Variants in NPHP1 observed in about 807,000 individuals in gnomAD.
NPHP1 encodes nephrocystin-1.
NPHP1 carries 70 observed loss-of-function variants against 90.4 expected under a neutral mutation model. The observed-to-expected ratio is 0.77, with a 90% confidence interval of 0.64 to 0.95. The LOEUF is 0.95. NPHP1 is among the 40% of genes least tolerant of loss of function. The probability of loss-of-function intolerance (pLI) is 0.00; values close to 1 mark genes in which losing one functional copy is unlikely to be tolerated. For synonymous variants in NPHP1, 256 were observed against 271.7 expected (o/e 0.94, Z 0.57); for missense variants, 764 against 795.9 (o/e 0.96, Z 0.48).
chr2:110,165,079 G>A lies in NPHP1; in HGVS notation c.701C>T (p.Thr234Ile). The stretch of plus-strand genomic sequence containing the variant: ...TTGCTTAACTTCTGCTCCATCTGCT[G>A]TTTCATCCACCGCCTCTACATCTTC... ...SEEDVEAVDE[T>I]ADGAEVKQRT... The change falls in exon 7 of 20, where the codon ACA becomes ATA. Residue 234 changes from threonine to isoleucine, a missense_variant. By Grantham distance (89) the Thr-to-Ile change is moderately conservative. Transcript: ENST00000445609. The A allele has an allele frequency of 6.2e-7, 1 of 1,613,554 alleles. No homozygotes were observed. Among genetic ancestry groups the A allele is most frequent in the Non-Finnish European group, 8.5e-7 (1 of 1,179,646 alleles).
chr2:110,136,867 TC>T (rs1680238855), intron 16 of NPHP1, among the ~76,000 whole-genome samples: 1 of 152,050 alleles, frequency 6.6e-6, no homozygotes, highest in Admixed American at 6.6e-5. Context: ...CATTGCCAAG[TC>T]AATCCTAAGC....
intron 4 of NPHP1, among the ~76,000 whole-genome samples, chr2:110,172,655 G>A (rs1023319641): frequency 2.6e-5 from 4 of 151,938 alleles, no homozygotes; most frequent in African/African-American, 7.2e-5. Context: ...AGTGGCACAC[G>A]CCTGTAGTCT....
intron 8 of NPHP1, chr2:110,163,640 G>T (rs531311289): frequency 6.3e-6 from 1 of 158,618 alleles, no homozygotes; most frequent in South Asian, 1.8e-4. Flanking sequence ...TTGAGGAAGA[G>T]AATTTTCATT....
At chr2:110,165,031 T>A (rs1224377017) in intron 7 of NPHP1, 21 bp downstream of exon 7, 1 of 1,564,724 alleles carries the variant, frequency 6.4e-7, no homozygotes, top group Non-Finnish European at 8.8e-7. Context: ...CCTACTTTGA[T>A]ATCCTTTCCC....
chr2:110,184,733 A>C, intron 2 of NPHP1: 1 of 716,560 alleles, frequency 1.4e-6, no homozygotes, highest in Non-Finnish European at 2.6e-6. Context: ...CATAAAAGAA[A>C]GACCCTCCTA....
At position 110,187,753 on chromosome 2, in the gene NPHP1, T is replaced by A. The variant is rs149789366; in HGVS notation, c.144-8069A>T. Among the ~76,000 whole-genome samples, 127 of 152,166 alleles carry A rather than the reference T, an allele frequency of 8.3e-4. 1 individual carries two copies. The East Asian group carries it at 0.015, about 17-fold the overall frequency. On this transcript the variant is annotated intron_variant, in intron 2 of 19. Transcript: ENST00000445609. ...AGCCAATATCCTTCATGAACATCGATACAAAAATCCGCAACAAAATACTGG... is the reference window on the plus strand; with the variant it reads ...AGCCAATATCCTTCATGAACATCGAAACAAAAATCCGCAACAAAATACTGG...
intron 11 of NPHP1, among the ~76,000 whole-genome samples, chr2:110,154,808 G>A (rs1681765125): frequency 6.6e-6 from 1 of 152,122 alleles, no homozygotes; most frequent in South Asian, 2.1e-4. Context: ...TGTTTCATAA[G>A]GGAAGTGGAG....
At chr2:110,128,923 A>T in intron 18 of NPHP1, 1 of 498,762 alleles carries the variant, frequency 2.0e-6, no homozygotes, top group South Asian at 2.6e-5. Flanking sequence ...ATCAGTGGCC[A>T]TCCTAAGTCA....
At chr2:110,191,212 G>A (rs1451173230) in intron 2 of NPHP1, among the ~76,000 whole-genome samples, 2 of 152,152 alleles carry the variant, frequency 1.3e-5, no homozygotes, top group Non-Finnish European at 2.9e-5. Flanking sequence ...GAAGCAGGGC[G>A]AGGCATTGCC....
intron 18 of NPHP1, chr2:110,125,893 G>A (rs969995319): frequency 3.4e-6 from 2 of 587,860 alleles, no homozygotes; most frequent in African/African-American, 3.7e-5. Flanking sequence ...AAATGCCGTA[G>A]AAGCCCATGA....
At chr2:110,155,280 T>G (rs1264132928) in intron 11 of NPHP1, among the ~76,000 whole-genome samples, 1 of 152,114 alleles carries the variant, frequency 6.6e-6, no homozygotes, top group African/African-American at 2.4e-5. Flanking sequence ...TGTCTGAATG[T>G]CCAGTCATAA....
At chr2:110,128,979 C>T (rs1679571466) in intron 18 of NPHP1, 1 of 604,720 alleles carries the variant, frequency 1.7e-6, no homozygotes, top group African/African-American at 1.9e-5. Context: ...AGCAGGCACT[C>T]CACCTGCTCC....
chr2:110,134,706 G>A (rs1192537864), intron 16 of NPHP1, among the ~76,000 whole-genome samples: 2 of 151,940 alleles, frequency 1.3e-5, no homozygotes, highest in East Asian at 3.9e-4. Flanking sequence ...AACATAATGT[G>A]CTACATTAAC....
At chr2:110,179,588 A>C (rs769228866) in intron 3 of NPHP1, 36 bp downstream of exon 3, 1 of 956,166 alleles carries the variant, frequency 1.0e-6, no homozygotes, top group Non-Finnish European at 1.7e-6. Flanking sequence ...GTATAGGAAG[A>C]GATGTTTTAA....
At chr2:110,204,765 C>A (rs960832875) in intron 1 of NPHP1, 135 bp downstream of exon 1, 1 of 815,874 alleles carries the variant, frequency 1.2e-6, no homozygotes, top group Non-Finnish European at 2.1e-6. Context: ...GGTAAGGGGG[C>A]GTTACAACCT....
intron 6 of NPHP1, among the ~76,000 whole-genome samples, chr2:110,167,747 G>A (rs970952712): frequency 2.0e-5 from 3 of 152,164 alleles, no homozygotes; most frequent in African/African-American, 7.2e-5. Context: ...GGCAACGGAA[G>A]TGAGCAGCAA....
In NPHP1 at chr2:110,164,334, G is replaced by A. The variant is rs547241189; in HGVS notation, c.771+354C>T. ...TTACCAGTGTGAATCACCATGCCTGGCCAATTTCTTACTTTTTATTAAAGG... is the reference window on the plus strand; with the variant it reads ...TTACCAGTGTGAATCACCATGCCTGACCAATTTCTTACTTTTTATTAAAGG... On this transcript the variant is annotated intron_variant, in intron 8 of 19. Transcript: ENST00000445609. 2.1e-4 allele frequency: 126 copies of A among 599,438 alleles called. No homozygotes were observed. The African/African-American group carries it at 2.2e-3, about 10-fold the overall frequency. The allele number at this position is 599,438 out of a possible 1,614,324, so 37.1% of individuals were successfully genotyped here. A position where few individuals can be genotyped will look rare whatever the true frequency, so the allele number is the denominator to read the frequency against.
chr2:110,175,259 T>C (rs952734545), intron 4 of NPHP1, among the ~76,000 whole-genome samples: 3 of 152,128 alleles, frequency 2.0e-5, no homozygotes, highest in Admixed American at 1.3e-4. Flanking sequence ...TTCAAAGGCA[T>C]ATAGAAAAGA....
chr2:110,165,884 A>G (rs1387277685), intron 6 of NPHP1, among the ~76,000 whole-genome samples: 1 of 152,162 alleles, frequency 6.6e-6, no homozygotes, highest in East Asian at 1.9e-4. Context: ...TTATTACACA[A>G]TCCATACAAG....
Sources: allele counts gnomAD v4.1 joint callset (sites outside exome capture counted in the v4.1 genomes callset), GRCh38; gene constraint gnomAD v4.1.1; transcripts MANE v1.5; gene names NCBI Gene and HGNC (gene_info 2026-07-23, HGNC 2026-07-21).